Variants in XKR4 observed in about 807,000 individuals in gnomAD.
The protein encoded by XKR4 is XK related 4.
In XKR4, 12 loss-of-function variants were observed where a neutral mutation model predicts 53.9. The ratio of observed to expected loss-of-function variants is 0.22; its 90% CI spans 0.14 to 0.36. XKR4 has a LOEUF of 0.36. Ranked by LOEUF, XKR4 falls within the 10% of genes least tolerant of loss-of-function variation. The pLI, the probability that XKR4 is intolerant of heterozygous loss-of-function variation, is 1.00. For synonymous variants in XKR4, 354 were observed against 362.4 expected (o/e 0.98, Z 0.26); for missense variants, 799 against 859.5 (o/e 0.93, Z 0.88).
intron 1 of XKR4, among the ~76,000 whole-genome samples, chr8:55,183,463 AAAGTTT>A (rs1375762891): frequency 6.6e-6 from 1 of 151,966 alleles, no homozygotes; most frequent in African/African-American, 2.4e-5. Context: ...AAAATATTTT[AAAGTTT>A]ATTTTGACAC....
intron 2 of XKR4, among the ~76,000 whole-genome samples, chr8:55,391,854 TAGTG>T (rs1433722287): frequency 6.6e-6 from 1 of 152,206 alleles, no homozygotes; most frequent in Non-Finnish European, 1.5e-5. Context: ...TATACTAACT[TAGTG>T]AGACATATTC....
chr8:55,375,700 A>G (rs1300817764), intron 2 of XKR4, among the ~76,000 whole-genome samples: 1 of 143,866 alleles, frequency 7.0e-6, no homozygotes, highest in Non-Finnish European at 1.5e-5. Flanking sequence ...GAAATAAGAT[A>G]CATTTTCTTC....
rs547137944 is a variant in XKR4 at position 55,124,210 on chromosome 8, C to G, written c.806+20916C>G. 3.3e-5 allele frequency among the ~76,000 whole-genome samples: 5 copies of G among 152,344 alleles called. No individual in the cohort carries two copies. In the South Asian group the frequency reaches 8.3e-4, roughly 25 times the overall value. On this transcript the variant is annotated intron_variant, in intron 1 of 2. Coordinates refer to ENST00000327381, the MANE Select transcript of XKR4 (RefSeq NM_052898.2). Reference sequence around the variant, plus strand: ...TCCCAAGCTGGCGACGCTGCTCACTCTCCATGTGGTTCCTTCTGCTGTGCT... The same window carrying G: ...TCCCAAGCTGGCGACGCTGCTCACTGTCCATGTGGTTCCTTCTGCTGTGCT...
At chr8:55,474,501 C>A (rs1472986867) in intron 2 of XKR4, among the ~76,000 whole-genome samples, 1 of 151,994 alleles carries the variant, frequency 6.6e-6, no homozygotes, top group Non-Finnish European at 1.5e-5. Flanking sequence ...CTAGAAAAAT[C>A]TGTTTCTGAG....
chr8:55,493,283 A>T (rs945201314), intron 2 of XKR4, among the ~76,000 whole-genome samples: 2 of 152,146 alleles, frequency 1.3e-5, no homozygotes, highest in Non-Finnish European at 2.9e-5. Flanking sequence ...CTAATTCCTC[A>T]TTTCTCTTCC....
At position 55,142,686 on chromosome 8, in the gene XKR4, G is replaced by A. The variant is rs142468284; in HGVS notation, c.806+39392G>A. Among the ~76,000 whole-genome samples, 294 of 152,278 alleles carry A rather than the reference G, an allele frequency of 1.9e-3. 1 individual carries two copies. Among genetic ancestry groups the A allele is most frequent in the Middle Eastern group, 6.8e-3 (2 of 294 alleles). Reference sequence around the variant, plus strand: ...ACTTTAAAAAAAAATTTCCAGTTTTGGTAAATAAATCCAGCAATCTTCTAG... The same window carrying A: ...ACTTTAAAAAAAAATTTCCAGTTTTAGTAAATAAATCCAGCAATCTTCTAG... On this transcript the variant is annotated intron_variant, in intron 1 of 2. Transcript: ENST00000327381.
At chr8:55,314,130 G>C (rs1563322346) in intron 1 of XKR4, among the ~76,000 whole-genome samples, 1 of 152,148 alleles carries the variant, frequency 6.6e-6, no homozygotes. Flanking sequence ...TCCATCCTTT[G>C]GTTAAAATTC....
At chr8:55,378,178 C>A (rs1388316973) in intron 2 of XKR4, among the ~76,000 whole-genome samples, 2 of 152,130 alleles carry the variant, frequency 1.3e-5, no homozygotes, top group Admixed American at 1.3e-4. Context: ...TGAAATAGTA[C>A]AATGAATTTA....
chr8:55,473,841 T>C (rs1366861940), intron 2 of XKR4, among the ~76,000 whole-genome samples: 2 of 151,952 alleles, frequency 1.3e-5, no homozygotes, highest in Non-Finnish European at 2.9e-5. Context: ...TTTTCTTTTC[T>C]TTTTCTTCCT....
At chr8:55,449,697 C>T (rs1428646848) in intron 2 of XKR4, 3 of 885,976 alleles carry the variant, frequency 3.4e-6, no homozygotes, top group East Asian at 2.4e-5. Context: ...TCCACCAGGT[C>T]GATGACACCC....
At chr8:55,250,656 T>C (rs1253774069) in intron 1 of XKR4, among the ~76,000 whole-genome samples, 2 of 152,244 alleles carry the variant, frequency 1.3e-5, no homozygotes, top group Non-Finnish European at 2.9e-5. Flanking sequence ...AGAGGCAATT[T>C]TGCCATTTGC....
intron 1 of XKR4, among the ~76,000 whole-genome samples, chr8:55,346,685 A>ATGTGTGTGTGTGTG (rs10685965): frequency 0.014 from 1,973 of 138,430 alleles, 38 homozygotes; most frequent in African/African-American, 0.03. Flanking sequence ...TGTTGAGGTT[A>ATGTGTGTGTGTGTG]TGTGTGTGTG....
chr8:55,331,533 T>C (rs1474986598), intron 1 of XKR4, among the ~76,000 whole-genome samples: 1 of 152,180 alleles, frequency 6.6e-6, no homozygotes, highest in Non-Finnish European at 1.5e-5. Flanking sequence ...TATCCATTAC[T>C]GAAGGTCAGG....
At chr8:55,198,570 A>G (rs1038516251) in intron 1 of XKR4, among the ~76,000 whole-genome samples, 5 of 152,042 alleles carry the variant, frequency 3.3e-5, no homozygotes, top group African/African-American at 1.2e-4. Context: ...GTGCTTTCAT[A>G]TAAGTTGGGA....
At chr8:55,510,578 T>C (rs1806611411) in intron 2 of XKR4, among the ~76,000 whole-genome samples, 1 of 151,946 alleles carries the variant, frequency 6.6e-6, no homozygotes, top group African/African-American at 2.4e-5. Flanking sequence ...GAGTCCACTC[T>C]CCCAAAGCCC....
intron 2 of XKR4, among the ~76,000 whole-genome samples, chr8:55,401,796 G>A (rs75932686): frequency 0.026 from 3,933 of 152,108 alleles, 58 homozygotes; most frequent in African/African-American, 0.038. Flanking sequence ...TGTTTGTGTT[G>A]GTTACACCTA....
intron 1 of XKR4, among the ~76,000 whole-genome samples, chr8:55,211,315 A>G (rs186035773): frequency 7.6e-4 from 115 of 152,310 alleles, no homozygotes; most frequent in African/African-American, 2.1e-3. Context: ...TTATATTTCA[A>G]AGAAGAGGAA....
intron 1 of XKR4, among the ~76,000 whole-genome samples, chr8:55,334,495 G>T (rs1364808082): frequency 6.6e-6 from 1 of 152,050 alleles, no homozygotes; most frequent in East Asian, 1.9e-4. Flanking sequence ...CATAAATTCT[G>T]GGAGAAGGCT....
chr8:55,295,121 GA>G (rs1819083820), intron 1 of XKR4, among the ~76,000 whole-genome samples: 1 of 152,138 alleles, frequency 6.6e-6, no homozygotes, highest in Admixed American at 6.5e-5. Flanking sequence ...CTCAGTGTAA[GA>G]CACGAGGCTA....
Sources: allele counts gnomAD v4.1 joint callset (sites outside exome capture counted in the v4.1 genomes callset), GRCh38; gene constraint gnomAD v4.1.1; transcripts MANE v1.5; gene names NCBI Gene and HGNC (gene_info 2026-07-23, HGNC 2026-07-21).